Variants in EMC10 observed in about 807,000 individuals in gnomAD.
EMC10 encodes the protein ER membrane protein complex subunit 10, also known as UPF0510 protein INM02.
Under a neutral mutation model 32.2 loss-of-function variants are expected in EMC10, and 40 were observed. The observed-to-expected ratio is 1.24, with a 90% CI of 0.96 to 1.61. The LOEUF is 1.61. Among genes scored for constraint, EMC10 ranks in the 40% most tolerant of loss-of-function variants. EMC10 has a pLI of 0.00. For synonymous variants in EMC10, 178 were observed against 158.4 expected (o/e 1.12, Z -0.93); for missense variants, 402 against 357.7 (o/e 1.12, Z -1.00).
rs1033286989 is a variant in EMC10 at position 50,483,062 on chromosome 19, C to T, written c.*803C>T. 7 of 525,864 alleles carry T rather than the reference C, an allele frequency of 1.3e-5. No homozygotes were observed. Among genetic ancestry groups the T allele is most frequent in the Non-Finnish European group, 2.2e-5 (6 of 273,266 alleles). 32.6% of individuals were successfully genotyped at this position (525,864 alleles called of 1,614,324 possible). On this transcript the variant is annotated 3_prime_UTR_variant, in exon 7 of 7. Transcript: ENST00000334976. ...GCATCCTACCTGGACTGCGGTGCTA[C>T]GAGGGCCTGCGGGCCTTTGCTGTGT...
In EMC10 at chr19:50,483,348, C is replaced by A. The variant is rs1233969435; in HGVS notation, c.*1089C>A. The A allele has an allele frequency of 9.1e-6, 3 of 330,490 alleles. No individual in the cohort carries two copies. Among genetic ancestry groups the A allele is most frequent in the South Asian group, 4.8e-5 (2 of 41,472 alleles). 20.5% of individuals were successfully genotyped at this position (330,490 alleles called of 1,614,324 possible). A position where few individuals can be genotyped will look rare whatever the true frequency, so the allele number is the denominator to read the frequency against. The stretch of plus-strand genomic sequence containing the variant: ...TATTAAACTGTCCCCCAGATCGACA[C>A]GCAGCTAGCCTCCTGCATTGTATGG... On this transcript the variant is annotated 3_prime_UTR_variant, in exon 7 of 7. Coordinates refer to ENST00000334976, the MANE Select transcript of EMC10 (RefSeq NM_206538.4).
rs1230728891 is a variant in EMC10 at position 50,485,043 on chromosome 19, TTTCCATCTCTGGTATAAGGTGCCATCTTA to T, written c.*2798_*2826del. The stretch of plus-strand genomic sequence containing the variant: ...CCTTCTTTTGACATAGCTGGGGCAG[TTTCCATCTCTGGTATAAGGTGCCATCTTA>T]TTCCATCTCTGGTGTAAGAGTGTGT... On this transcript the variant is annotated 3_prime_UTR_variant, in exon 7 of 7. Coordinates refer to ENST00000334976, the MANE Select transcript of EMC10 (RefSeq NM_206538.4). 6.6e-6 allele frequency: 1 copy of T among 152,202 alleles called. No individual in the cohort carries two copies. Among genetic ancestry groups the T allele is most frequent in the Admixed American group, 6.5e-5 (1 of 15,280 alleles). The allele number at this position is 152,202 out of a possible 1,614,324, so 9.4% of individuals were successfully genotyped here.
Position 50,482,660 on chromosome 19 carries a change from G to T in EMC10, c.*401G>T. The T allele has an allele frequency of 6.2e-6, 3 of 482,304 alleles. No individual in the cohort carries two copies. The highest frequency in any genetic ancestry group is 1.1e-5 in the Non-Finnish European group (3 of 274,954). The allele number at this position is 482,304 out of a possible 1,614,324, so 29.9% of individuals were successfully genotyped here. On this transcript the variant is annotated 3_prime_UTR_variant, in exon 7 of 7. Coordinates refer to ENST00000334976, the MANE Select transcript of EMC10 (RefSeq NM_206538.4). Reference sequence around the variant, plus strand: ...TTGTTCCAGGTGGTCTCACCCTCCTGTCCCTGGCTGGGCTAGGTGGTCCTG... The same window carrying T: ...TTGTTCCAGGTGGTCTCACCCTCCTTTCCCTGGCTGGGCTAGGTGGTCCTG...
intron 6 of EMC10, chr19:50,481,882 G>C (rs200797859): frequency 6.3e-7 from 1 of 1,591,132 alleles, no homozygotes. Flanking sequence ...CCTGGGGGGG[G>C]CCGTGTTGCT....
At position 50,476,579 on chromosome 19, in the gene EMC10, T is replaced by C; in HGVS notation, c.35T>C (p.Leu12Pro). The C allele has an allele frequency of 6.3e-7, 1 of 1,576,084 alleles. No homozygotes were observed. ...AAASAGATRL[L>P]LLLLMAVAAP... ...GCCAGCGCTGGGGCAACCCGGCTGC[T>C]CCTGCTCTTGCTGATGGCGGTAGCA... The change falls in exon 1 of 7, where the codon CTC becomes CCC. Residue 12 changes from leucine to proline, a missense_variant. Leu to Pro is a moderately conservative substitution (Grantham distance 98). Transcript: ENST00000334976.
chr19:50,485,680 C>G lies in EMC10; in HGVS notation c.*3421C>G, dbSNP rs1417381816. 1.3e-5 allele frequency: 2 copies of G among 153,914 alleles called. No individual in the cohort carries two copies. The highest frequency in any genetic ancestry group is 4.8e-5 in the African/African-American group (2 of 41,392). 9.5% of individuals were successfully genotyped at this position (153,914 alleles called of 1,614,324 possible). A position where few individuals can be genotyped will look rare whatever the true frequency, so the allele number is the denominator to read the frequency against. On this transcript the variant is annotated 3_prime_UTR_variant, in exon 7 of 7. Transcript: ENST00000334976. ...CCATCGGCCCAGCCTCCTCTTTGGC[C>G]TCCCAGCCCCCAACATCCCCCCCTC...
At chr19:50,478,153 A>T in intron 2 of EMC10, 152 bp downstream of exon 2, 1 of 655,898 alleles carries the variant, frequency 1.5e-6, no homozygotes, top group Non-Finnish European at 2.6e-6. Flanking sequence ...GACATGAAAG[A>T]AGAGAAACAC....
In EMC10 at chr19:50,480,678, G is replaced by A. The variant is rs1459432818; in HGVS notation, c.500G>A (p.Gly167Asp). The part of the protein sequence containing the change: ...VGVSVVTHPG[G>D]CRGHEVEDVD... ...GTGTCGGTGGTGACGCACCCCGGGGGCTGCCGGGGCCATGAGGTGGAGGAC... is the reference window on the plus strand; with the variant it reads ...GTGTCGGTGGTGACGCACCCCGGGGACTGCCGGGGCCATGAGGTGGAGGAC... Residue 167 changes from glycine (G) to aspartate (D), a missense_variant, in exon 5 of 7, where the codon GGC (glycine) becomes GAC (aspartate). By Grantham distance (94) the Gly-to-Asp change is moderately conservative. Transcript: ENST00000334976. This position sits in a 1 kb window ranked among gnomAD's most constrained non-coding sequence, Gnocchi z 4.4. The A allele has an allele frequency of 1.9e-6, 3 of 1,601,606 alleles. No individual in the cohort carries two copies. The highest frequency in any genetic ancestry group is 2.6e-6 in the Non-Finnish European group (3 of 1,175,124).
rs528257909 is a variant in EMC10, at chr19:50,482,569, C to T, written c.*310C>T. 145 of 529,338 alleles carry T rather than the reference C, an allele frequency of 2.7e-4. 1 individual carries two copies. Among genetic ancestry groups the T allele is most frequent in the African/African-American group, 2.2e-3 (114 of 51,076 alleles). 32.8% of individuals were successfully genotyped at this position (529,338 alleles called of 1,614,324 possible). ...CTGGCCACTATGCCAGTTCTGACCTCGCATCCCCCTACCCCGAGCCCATGC... is the reference window on the plus strand; with the variant it reads ...CTGGCCACTATGCCAGTTCTGACCTTGCATCCCCCTACCCCGAGCCCATGC... On this transcript the variant is annotated 3_prime_UTR_variant, in exon 7 of 7. Transcript: ENST00000334976.
intron 6 of EMC10, chr19:50,481,381 C>A (rs374029182): frequency 9.2e-6 from 2 of 218,242 alleles, no homozygotes; most frequent in Non-Finnish European, 8.9e-6. Flanking sequence ...GCATTGGGGG[C>A]AGCAGGGTGC....
rs1601325402 is a variant in EMC10, at chr19:50,480,052, A to C, written c.298-59A>C. The C allele has an allele frequency of 1.3e-5, 18 of 1,416,294 alleles. No individual in the cohort carries two copies. Among genetic ancestry groups the C allele is most frequent in the Non-Finnish European group, 1.5e-5 (16 of 1,033,466 alleles). The allele number at this position is 1,416,294 out of a possible 1,614,324, so 87.7% of individuals were successfully genotyped here. Reference sequence around the variant, plus strand: ...CCTTCGCGGAGGCCTGGTGGGCATCACAGCCTGTCCAGGGCTGACACCATC... The same window carrying C: ...CCTTCGCGGAGGCCTGGTGGGCATCCCAGCCTGTCCAGGGCTGACACCATC... On this transcript the variant is annotated intron_variant, in intron 3 of 6. Coordinates refer to ENST00000334976, the MANE Select transcript of EMC10 (RefSeq NM_206538.4). This position sits in a 1 kb window ranked among gnomAD's most constrained non-coding sequence, Gnocchi z 4.4.
Position 50,484,553 on chromosome 19 carries a change from T to TC in EMC10, c.*2298dup, listed in dbSNP as rs2040369030. On this transcript the variant is annotated 3_prime_UTR_variant, in exon 7 of 7. Transcript: ENST00000334976. ...AGGAAATGCCTGAGCTCCTTCAGGC[T>TC]CCCCTAGCGTTCTGTTCTTATTAAA... The TC allele has an allele frequency of 6.6e-6, 1 of 152,198 alleles. No individual in the cohort carries two copies. The highest frequency in any genetic ancestry group is 2.1e-4 in the South Asian group (1 of 4,828). The allele number at this position is 152,198 out of a possible 1,614,324, so 9.4% of individuals were successfully genotyped here.
At chr19:50,478,541 C>T (rs1472903256) in intron 2 of EMC10, among the ~76,000 whole-genome samples, 1 of 152,188 alleles carries the variant, frequency 6.6e-6, no homozygotes, top group Non-Finnish European at 1.5e-5. Flanking sequence ...AACCTGAGGG[C>T]ACAAACCCTG....
chr19:50,482,702 GC>G lies in EMC10; in HGVS notation c.*449del, dbSNP rs1156309493. 3.0e-5 allele frequency: 14 copies of G among 473,994 alleles called. No homozygotes were observed. Among genetic ancestry groups the G allele is most frequent in the Middle Eastern group, 2.8e-4 (1 of 3,564 alleles). The allele number at this position is 473,994 out of a possible 1,614,324, so 29.4% of individuals were successfully genotyped here. On this transcript the variant is annotated 3_prime_UTR_variant, in exon 7 of 7. Transcript: ENST00000334976. The stretch of plus-strand genomic sequence containing the variant: ...GTGGTCCTGTCCAGGCTCCTGCAGC[GC>G]CCCCCTCACTTTGACACTGGACTAG...
In EMC10 at chr19:50,484,509, T is replaced by C. The variant is rs1568689447; in HGVS notation, c.*2250T>C. ...CTCGGTTGCTTTCAGGCTGGCAGGG[T>C]TACTCTGTTGGGTATTCCAGGAAAT... is the stretch of plus-strand genomic sequence containing the variant. On this transcript the variant is annotated 3_prime_UTR_variant, in exon 7 of 7. Transcript: ENST00000334976. 2.0e-5 allele frequency: 3 copies of C among 152,176 alleles called. No homozygotes were observed. The highest frequency in any genetic ancestry group is 7.2e-5 in the African/African-American group (3 of 41,426). 9.4% of individuals were successfully genotyped at this position (152,176 alleles called of 1,614,324 possible).
At chr19:50,479,271 G>A (rs2040280523) in intron 3 of EMC10, among the ~76,000 whole-genome samples, 3 of 152,230 alleles carry the variant, frequency 2.0e-5, no homozygotes, top group Admixed American at 1.3e-4. Flanking sequence ...CAGGCATGGT[G>A]TCCTGCATCA....
At chr19:50,481,277 G>A in intron 6 of EMC10, 1 of 361,810 alleles carries the variant, frequency 2.8e-6, no homozygotes, top group Non-Finnish European at 5.0e-6. Flanking sequence ...AAAGGAACCA[G>A]GGAGGCTTGG....
At chr19:50,481,030 T>C in intron 6 of EMC10, 53 bp downstream of exon 6, 2 of 1,442,386 alleles carry the variant, frequency 1.4e-6, no homozygotes, top group Non-Finnish European at 1.9e-6. Flanking sequence ...TCCCGGTGCC[T>C]GGCCAGGCCC....
chr19:50,480,687 G>T lies in EMC10; in HGVS notation c.509G>T (p.Gly170Val). 3.1e-6 allele frequency: 5 copies of T among 1,603,506 alleles called. No homozygotes were observed. Among genetic ancestry groups the T allele is most frequent in the Non-Finnish European group, 4.3e-6 (5 of 1,176,134 alleles). ...GTGACGCACCCCGGGGGCTGCCGGG[G>T]CCATGAGGTGGAGGACGTGGACCTG... ...SVVTHPGGCR[G>V]HEVEDVDLEL... Residue 170 changes from glycine to valine, a missense_variant, in exon 5 of 7, where the codon GGC becomes GTC. Transcript: ENST00000334976. This position sits in a 1 kb window ranked among gnomAD's most constrained non-coding sequence, Gnocchi z 4.4.
Sources: gnomAD v4.1 joint callset for allele counts (sites outside exome capture counted in the v4.1 genomes callset) on GRCh38, gnomAD v4.1.1 for gene constraint, Gnocchi (gnomAD v3.1) non-coding constraint, MANE v1.5 for transcripts, NCBI Gene and HGNC (gene_info 2026-07-23, HGNC 2026-07-21) for gene names.